The following LHFPL3 variants were observed in gnomAD, a reference collection of about 807,000 sequenced individuals.
LHFPL3 encodes the protein LHFPL tetraspan subfamily member 3 protein.
LHFPL3 carries 5 observed loss-of-function variants against 19.3 expected under a neutral mutation model. The observed-to-expected ratio is 0.26, with a 90% confidence interval of 0.14 to 0.54. The LOEUF (loss-of-function observed/expected upper bound fraction) is 0.54. Ranked by LOEUF, LHFPL3 falls within the 20% of genes least tolerant of loss-of-function variation. LHFPL3 has a pLI of 0.94. For synonymous variants in LHFPL3, 133 were observed against 126.2 expected, an observed-to-expected ratio of 1.05 and a Z score of -0.36; for missense variants, 249 against 307.4, an observed-to-expected ratio of 0.81 and a Z score of 1.42.
Position 104,603,524 on chromosome 7 carries a change from G to T in LHFPL3, c.446-133151G>T, listed in dbSNP as rs113200960. ...GCCCCAAAAGTCTTAACTTGTTCTA[G>T]CATCAACTCAAAAGCTCAAAGTCCA... is the stretch of plus-strand genomic sequence containing the variant. On this transcript the variant is annotated intron_variant, in intron 1 of 2. Coordinates refer to ENST00000424859, the MANE Select transcript of LHFPL3 (RefSeq NM_199000.3). Among the ~76,000 whole-genome samples, 564 of 152,158 alleles carry T rather than the reference G, an allele frequency of 3.7e-3. 3 individuals are homozygous for T. The highest frequency in any genetic ancestry group is 0.013 in the African/African-American group (538 of 41,516).
At chr7:104,560,574 T>C (rs200933320) in intron 1 of LHFPL3, among the ~76,000 whole-genome samples, 1 of 151,630 alleles carries the variant, frequency 6.6e-6, no homozygotes, top group Non-Finnish European at 1.5e-5. Flanking sequence ...TCTCTCTTTT[T>C]TTCTTTATTA....
intron 1 of LHFPL3, among the ~76,000 whole-genome samples, chr7:104,329,878 G>A (rs1801537413): frequency 6.6e-6 from 1 of 152,198 alleles, no homozygotes; most frequent in South Asian, 2.1e-4. Flanking sequence ...TCTTCAGTTT[G>A]CCTCCTTGTC....
intron 1 of LHFPL3, among the ~76,000 whole-genome samples, chr7:104,509,799 A>G (rs1329114505): frequency 1.3e-5 from 2 of 152,016 alleles, no homozygotes; most frequent in Non-Finnish European, 2.9e-5. Flanking sequence ...AAAAGTAAAA[A>G]CTTTCCCTAT....
At chr7:104,560,011 T>C (rs1341318064) in intron 1 of LHFPL3, among the ~76,000 whole-genome samples, 10 of 149,644 alleles carry the variant, frequency 6.7e-5, no homozygotes, top group African/African-American at 2.3e-4. Context: ...GAACCAGCCT[T>C]GCATCCCAGG....
At chr7:104,422,686 A>G (rs953822195) in intron 1 of LHFPL3, among the ~76,000 whole-genome samples, 3 of 152,234 alleles carry the variant, frequency 2.0e-5, no homozygotes, top group East Asian at 1.9e-4. Flanking sequence ...TCATCTGTAC[A>G]AAGGGGATAA....
At chr7:104,430,434 A>ATG (rs1791967239) in intron 1 of LHFPL3, among the ~76,000 whole-genome samples, 1 of 14,356 alleles carries the variant, frequency 7.0e-5, no homozygotes, top group Non-Finnish European at 1.3e-4. Flanking sequence ...ATATATATAT[A>ATG]TATATATATA....
intron 2 of LHFPL3, among the ~76,000 whole-genome samples, chr7:104,819,813 G>T (rs1359438466): frequency 2.0e-5 from 3 of 152,074 alleles, no homozygotes; most frequent in Non-Finnish European, 4.4e-5. Flanking sequence ...TTGCATTTTT[G>T]AAGGCACATG....
chr7:104,597,635 A>G (rs1790889673), intron 1 of LHFPL3, among the ~76,000 whole-genome samples: 1 of 152,222 alleles, frequency 6.6e-6, no homozygotes, highest in African/African-American at 2.4e-5. Context: ...CTGAAATGGA[A>G]TGTATTTCTA....
intron 2 of LHFPL3, among the ~76,000 whole-genome samples, chr7:104,903,184 T>C (rs149532776): frequency 6.6e-6 from 1 of 152,260 alleles, no homozygotes; most frequent in Non-Finnish European, 1.5e-5. Context: ...CTTAGATACA[T>C]GTACTTCCTT....
intron 1 of LHFPL3, among the ~76,000 whole-genome samples, chr7:104,540,881 A>G (rs1284640242): frequency 1.3e-5 from 2 of 151,994 alleles, no homozygotes; most frequent in East Asian, 3.9e-4. Flanking sequence ...CACTTCCACT[A>G]CTTTAGCTCA....
Position 104,908,205 on chromosome 7 carries a change from A to G in LHFPL3, c.*1990A>G, listed in dbSNP as rs1792655631. ...CATCACTAACAGTGGTATGAACAAA[A>G]CTAAGAAAGTACTTCCTATCCACAT... On this transcript the variant is annotated 3_prime_UTR_variant, in exon 3 of 3. Transcript: ENST00000424859. 6.6e-6 allele frequency among the ~76,000 whole-genome samples: 1 copy of G among 152,192 alleles called. No individual in the cohort carries two copies. Among genetic ancestry groups the G allele is most frequent in the South Asian group, 2.1e-4 (1 of 4,836 alleles).
chr7:104,498,588 G>C (rs772824137), intron 1 of LHFPL3, among the ~76,000 whole-genome samples: 1 of 142,100 alleles, frequency 7.0e-6, no homozygotes, highest in Non-Finnish European at 1.5e-5. Flanking sequence ...AGAGATTCTT[G>C]TGCCTCGGCC....
At chr7:104,521,563 C>T (rs1794064194) in intron 1 of LHFPL3, among the ~76,000 whole-genome samples, 2 of 151,922 alleles carry the variant, frequency 1.3e-5, no homozygotes, top group South Asian at 4.2e-4. Context: ...TAAAGAGCTT[C>T]TGCACAGCAA....
At chr7:104,435,738 C>T (rs6465986) in intron 1 of LHFPL3, among the ~76,000 whole-genome samples, 85,153 of 151,626 alleles carry the variant, frequency 0.56, 26,796 homozygotes, top group African/African-American at 0.86. Flanking sequence ...AATTTATTCC[C>T]TATTTAATTC....
intron 1 of LHFPL3, among the ~76,000 whole-genome samples, chr7:104,374,202 C>CTATA (rs1348579260): frequency 2.0e-5 from 1 of 49,378 alleles, no homozygotes; most frequent in African/African-American, 8.9e-5. Context: ...ATCTATCTAT[C>CTATA]TATATATGTG....
rs1007417979 is a variant in LHFPL3, at chr7:104,800,782, A to G, written c.682+63871A>G. 2.0e-5 allele frequency among the ~76,000 whole-genome samples: 3 copies of G among 152,190 alleles called. No individual in the cohort carries two copies. In the South Asian group the frequency reaches 6.2e-4, roughly 31 times the overall value. On this transcript the variant is annotated intron_variant, in intron 2 of 2. Coordinates refer to ENST00000424859, the MANE Select transcript of LHFPL3 (RefSeq NM_199000.3). ...AAGGAGGAGCTGGAAAAGTTGGCGC[A>G]GGAGTTGAGATAGAGTTCCTACACA...
At position 104,423,617 on chromosome 7, in the gene LHFPL3, T is replaced by C. The variant is rs186339918; in HGVS notation, c.445+94393T>C. 2.2e-3 allele frequency among the ~76,000 whole-genome samples: 342 copies of C among 152,268 alleles called. 4 individuals carry two copies. Among genetic ancestry groups the C allele is most frequent in the Non-Finnish European group, 4.1e-3 (280 of 68,022 alleles). On this transcript the variant is annotated intron_variant, in intron 1 of 2. Coordinates refer to ENST00000424859, the MANE Select transcript of LHFPL3 (RefSeq NM_199000.3). The stretch of plus-strand genomic sequence containing the variant: ...TCAAGGCTGCAGTGAGCCGTGATCA[T>C]GCCACTGCACTCAGCCTGGGTGACA...
At chr7:104,698,985 A>G (rs1157180831) in intron 1 of LHFPL3, among the ~76,000 whole-genome samples, 1 of 152,232 alleles carries the variant, frequency 6.6e-6, no homozygotes, top group African/African-American at 2.4e-5. Flanking sequence ...AAACCATAAT[A>G]AGGTACCACT....
intron 1 of LHFPL3, among the ~76,000 whole-genome samples, chr7:104,651,168 G>A (rs1398799265): frequency 6.6e-6 from 1 of 152,126 alleles, no homozygotes; most frequent in Non-Finnish European, 1.5e-5. Flanking sequence ...TAGAAAACAG[G>A]CTGCAGTTTA....
Sources: gnomAD v4.1 joint callset for allele counts (sites outside exome capture counted in the v4.1 genomes callset) on GRCh38, gnomAD v4.1.1 for gene constraint, MANE v1.5 for transcripts, NCBI Gene and HGNC (gene_info 2026-07-23, HGNC 2026-07-21) for gene names.